Variants in COL13A1 observed in about 807,000 individuals in gnomAD.
The protein encoded by COL13A1 is collagen alpha-1(XIII) chain.
A neutral mutation model predicts 130.9 loss-of-function variants in COL13A1; 89 were observed. That is an observed-to-expected ratio of 0.68 (90% confidence interval 0.57 to 0.81). The LOEUF (loss-of-function observed/expected upper bound fraction) is 0.81, where lower values mean the gene tolerates loss of function less well. Ranked by LOEUF, COL13A1 falls within the 30% of genes least tolerant of loss-of-function variation. COL13A1 has a pLI of 0.00. For missense variants in COL13A1, 879 were observed against 934.6 expected (o/e 0.94, Z 0.78); for synonymous variants, 402 against 341.6 (o/e 1.18, Z -1.95).
intron 30 of COL13A1, chr10:69,931,068 G>T (rs552897219): frequency 3.7e-4 from 155 of 419,614 alleles, no homozygotes; most frequent in Non-Finnish European, 7.0e-4. Context: ...TACCCTTGGA[G>T]CAAGGGAGCC....
intron 2 of COL13A1, among the ~76,000 whole-genome samples, chr10:69,866,150 C>A (rs1271341418): frequency 2.6e-5 from 4 of 152,194 alleles, no homozygotes; most frequent in Non-Finnish European, 5.9e-5. Flanking sequence ...CTCCTGCTAC[C>A]CAGCTGAGCC....
intron 2 of COL13A1, among the ~76,000 whole-genome samples, chr10:69,827,715 C>G (rs773782570): frequency 6.6e-6 from 1 of 152,152 alleles, no homozygotes; most frequent in Non-Finnish European, 1.5e-5. Context: ...GGTTGTTTTT[C>G]CACAGCTGAT....
In COL13A1 at chr10:69,936,849, A is replaced by C; in HGVS notation, c.1797+67A>C. 16 of 1,594,708 alleles carry C rather than the reference A, an allele frequency of 1.0e-5. No individual in the cohort carries two copies. The South Asian group carries it at 1.7e-4, about 17-fold the overall frequency. The stretch of plus-strand genomic sequence containing the variant: ...AGAAAAGAGGGAAAGTGCACCTGAG[A>C]CCAGCTGACCCTTTTTCCTAGAAGG... On this transcript the variant is annotated intron_variant, in intron 33 of 40. Coordinates refer to ENST00000645393, the MANE Select transcript of COL13A1 (RefSeq NM_001368882.1).
chr10:69,952,741 T>G, intron 38 of COL13A1, 141 bp from the exon 39 acceptor site: 1 of 599,844 alleles, frequency 1.7e-6, no homozygotes, highest in Non-Finnish European at 2.7e-6. Context: ...TGACTCCAAA[T>G]CCTACTGGGG....
rs909793996 is a variant in COL13A1 at position 69,867,865 on chromosome 10, G to C, written c.372+60G>C. 3 of 717,476 alleles carry C rather than the reference G, an allele frequency of 4.2e-6. No individual in the cohort carries two copies. In the African/African-American group the frequency reaches 5.2e-5, roughly 13 times the overall value. The allele number at this position is 717,476 out of a possible 1,614,324, so 44.4% of individuals were successfully genotyped here. ...AAGGCCTGTGTCACCTGCTGGTAACGGGGTTCTGGGTGGGGGCACTGAAAG... is the reference window on the plus strand; with the variant it reads ...AAGGCCTGTGTCACCTGCTGGTAACCGGGTTCTGGGTGGGGGCACTGAAAG... On this transcript the variant is annotated intron_variant, in intron 3 of 40. Coordinates refer to ENST00000645393, the MANE Select transcript of COL13A1 (RefSeq NM_001368882.1).
chr10:69,818,286 A>T lies in COL13A1; in HGVS notation c.295-4083A>T, dbSNP rs575587243. 5.9e-5 allele frequency among the ~76,000 whole-genome samples: 9 copies of T among 152,264 alleles called. 2 individuals are homozygous for T. The highest frequency in any genetic ancestry group is 2.2e-4 in the African/African-American group (9 of 41,558). ...CTCTCCACTGGGTGATGACCATGAC[A>T]TCCTCCAGAGAGGACCTCAGCCCAA... On this transcript the variant is annotated intron_variant, in intron 1 of 40. Transcript: ENST00000645393.
intron 2 of COL13A1, chr10:69,860,690 A>G (rs1282006544): frequency 3.8e-6 from 1 of 266,520 alleles, no homozygotes; most frequent in South Asian, 3.4e-5. Context: ...ACCTGCAGCC[A>G]GGTCCCCCAT....
chr10:69,862,510 G>A (rs1858426130), intron 2 of COL13A1, among the ~76,000 whole-genome samples: 1 of 152,184 alleles, frequency 6.6e-6, no homozygotes, highest in Non-Finnish European at 1.5e-5. Context: ...GAAGACACAG[G>A]CTGCCTTAAA....
At chr10:69,815,546 T>G (rs1274280732) in intron 1 of COL13A1, among the ~76,000 whole-genome samples, 1 of 152,106 alleles carries the variant, frequency 6.6e-6, no homozygotes, top group Non-Finnish European at 1.5e-5. Flanking sequence ...CAAAGTCAGA[T>G]GTCAAGGGGG....
At chr10:69,932,037 C>T (rs529247931) in intron 30 of COL13A1, among the ~76,000 whole-genome samples, 268 of 152,154 alleles carry the variant, frequency 1.8e-3, no homozygotes, top group Non-Finnish European at 2.2e-3. Flanking sequence ...CTGCCACCTG[C>T]GCCCCTGCCC....
At chr10:69,933,163 A>G (rs866627707) in intron 31 of COL13A1, among the ~76,000 whole-genome samples, 1 of 148,372 alleles carries the variant, frequency 6.7e-6, no homozygotes, top group East Asian at 2.0e-4. Flanking sequence ...AAAAAAAAAA[A>G]AAAACAGAAC....
At chr10:69,855,354 G>A (rs978245135) in intron 2 of COL13A1, among the ~76,000 whole-genome samples, 4 of 152,116 alleles carry the variant, frequency 2.6e-5, no homozygotes, top group Non-Finnish European at 4.4e-5. Flanking sequence ...CCTTCACCAT[G>A]CCCTCCTGGA....
intron 17 of COL13A1, 31 bp downstream of exon 17, chr10:69,905,853 C>T: frequency 6.2e-7 from 1 of 1,611,710 alleles, no homozygotes; most frequent in Non-Finnish European, 8.5e-7. Flanking sequence ...CCAAGTGGGG[C>T]AGGACTTTGG....
In COL13A1 at chr10:69,911,685, T is replaced by TC. The variant is rs1198832221; in HGVS notation, c.922-5602dup. Among the ~76,000 whole-genome samples the TC allele has an allele frequency of 1.2e-4, 18 of 152,372 alleles. No individual in the cohort carries two copies. The East Asian group carries it at 3.1e-3, about 26-fold the overall frequency. ...CTGGATTCAGGCCTTTCTCTGAGTC[T>TC]CCAGGCTCCCTGGGAGCATGTCTGC... On this transcript the variant is annotated intron_variant, in intron 17 of 40. Coordinates refer to ENST00000645393, the MANE Select transcript of COL13A1 (RefSeq NM_001368882.1).
At chr10:69,892,889 G>A (rs754690284) in intron 10 of COL13A1, among the ~76,000 whole-genome samples, 26 of 152,284 alleles carry the variant, frequency 1.7e-4, no homozygotes, top group Non-Finnish European at 2.4e-4. Flanking sequence ...CTGGGCCACC[G>A]TTTGGGATGT....
At chr10:69,910,932 G>A (rs2063308369) in intron 17 of COL13A1, among the ~76,000 whole-genome samples, 1 of 152,228 alleles carries the variant, frequency 6.6e-6, no homozygotes, top group African/African-American at 2.4e-5. Flanking sequence ...TTGCATGAAG[G>A]ACCATGGCTG....
At chr10:69,810,912 C>A (rs1235503139) in intron 1 of COL13A1, among the ~76,000 whole-genome samples, 3 of 152,220 alleles carry the variant, frequency 2.0e-5, no homozygotes, top group Non-Finnish European at 4.4e-5. Context: ...GGGGTGCTCT[C>A]CTGGTCCTTC....
At chr10:69,894,607 C>A (rs755725318) in intron 11 of COL13A1, 29 bp downstream of exon 11, 2 of 1,614,004 alleles carry the variant, frequency 1.2e-6, no homozygotes, top group Non-Finnish European at 1.7e-6. Context: ...TATTTCCCAG[C>A]AGAGAAGCTT....
intron 26 of COL13A1, 34 bp downstream of exon 26, chr10:69,925,906 C>T (rs2065286075): frequency 6.6e-7 from 1 of 1,515,564 alleles, no homozygotes; most frequent in Non-Finnish European, 9.0e-7. Context: ...CCAAGATCCT[C>T]ATGGATCTCA....
Sources: gnomAD v4.1 joint callset for allele counts (sites outside exome capture counted in the v4.1 genomes callset) on GRCh38, gnomAD v4.1.1 for gene constraint, MANE v1.5 for transcripts, NCBI Gene and HGNC (gene_info 2026-07-23, HGNC 2026-07-21) for gene names.